Variants in TACSTD2 observed in about 807,000 individuals in gnomAD.
The protein encoded by TACSTD2 is tumor associated calcium signal transducer 2, also known as tumor-associated calcium signal transducer 2.
In TACSTD2, 6 loss-of-function variants were observed where a neutral mutation model predicts 7.9. The observed-to-expected ratio is 0.76, with a 90% CI of 0.42 to 1.50. TACSTD2 has a LOEUF of 1.50. TACSTD2 is among the 40% of genes most tolerant of loss of function. TACSTD2 has a pLI of 0.01. For synonymous variants in TACSTD2, 220 were observed against 225.5 expected (o/e 0.98, Z 0.22); for missense variants, 511 against 471.2 (o/e 1.08, Z -0.78).
chr1:58,576,897 C>A lies in TACSTD2; in HGVS notation c.260G>T (p.Arg87Leu). 1 of 1,589,698 alleles carries A rather than the reference C, an allele frequency of 6.3e-7. No individual in the cohort carries two copies. The highest frequency in any genetic ancestry group is 8.5e-7 in the Non-Finnish European group (1 of 1,174,714). Residue 87 changes from arginine (R) to leucine (L), a missense_variant, in exon 1 of 1, where the codon CGC becomes CTC. By Grantham distance (102) the Arg-to-Leu change is moderately radical. Transcript: ENST00000371225. ...KARMSAPKNARTLVRPSEHAL... is the reference protein window; with the variant it reads ...KARMSAPKNALTLVRPSEHAL... ...GTGCTCACTCGGCCGCACCAGCGTG[C>A]GGGCGTTCTTGGGGGCGCTCATGCG...
chr1:58,576,171 G>C lies in TACSTD2; in HGVS notation c.*14C>G, dbSNP rs377265819. The C allele has an allele frequency of 1.8e-5, 29 of 1,612,838 alleles. No homozygotes were observed. The African/African-American group carries it at 2.9e-4, about 16-fold the overall frequency. ...AATCCGGTACCCCACCCCATCCCCT[G>C]CCCCGCCGGGTACCTACAAGCTCGG... On this transcript the variant is annotated 3_prime_UTR_variant, in exon 1 of 1. Coordinates refer to ENST00000371225, the MANE Select transcript of TACSTD2 (RefSeq NM_002353.3).
rs778258386 is a variant in TACSTD2 at position 58,576,617 on chromosome 1, G to A, written c.540C>T (p.Phe180=). The A allele has an allele frequency of 8.6e-5, 139 of 1,611,484 alleles. No homozygotes were observed. The highest frequency in any genetic ancestry group is 1.1e-4 in the Non-Finnish European group (124 of 1,179,298). The part of the protein sequence containing the change: ...SDLDAELRRL[F]RERYRLHPKF... ...TGGGGTGCAGCCGATAGCGCTCGCG[G>A]AAGAGCCGCCTCAGCTCGGCGTCCA... The change falls in exon 1 of 1, where the codon TTC becomes TTT. Residue 180 remains phenylalanine (F), a synonymous_variant. Transcript: ENST00000371225.
Position 58,576,010 on chromosome 1 carries a change from G to A in TACSTD2, c.*175C>T. The A allele has an allele frequency of 2.7e-6, 2 of 742,954 alleles. No individual in the cohort carries two copies. The highest frequency in any genetic ancestry group is 4.3e-6 in the Non-Finnish European group (2 of 468,952). The allele number at this position is 742,954 out of a possible 1,614,324, so 46.0% of individuals were successfully genotyped here. Reference sequence around the variant, plus strand: ...CAAGACAGAAGTGAGAAAGAAAGGAGACCCTGAGGCCAGGATCTATTAAAC... The same window carrying A: ...CAAGACAGAAGTGAGAAAGAAAGGAAACCCTGAGGCCAGGATCTATTAAAC... On this transcript the variant is annotated 3_prime_UTR_variant, in exon 1 of 1. Coordinates refer to ENST00000371225, the MANE Select transcript of TACSTD2 (RefSeq NM_002353.3).
chr1:58,577,092 G>A lies in TACSTD2; in HGVS notation c.65C>T (p.Ala22Val). Residue 22 changes from alanine (A) to valine (V), a missense_variant, in exon 1 of 1, where the codon GCG (alanine) becomes GTG (valine). Coordinates refer to ENST00000371225, the MANE Select transcript of TACSTD2 (RefSeq NM_002353.3). ...CGCGGCCGTGTGGCCGGTCACCGCCGCCAGCACCAGCAGCAGCAGCGGCAG... is the reference window on the plus strand; with the variant it reads ...CGCGGCCGTGTGGCCGGTCACCGCCACCAGCACCAGCAGCAGCAGCGGCAG... ...LRLPLLLLVL[A>V]AVTGHTAAQD... is the part of the protein sequence containing the mutation. 6.8e-7 allele frequency: 1 copy of A among 1,463,440 alleles called. No individual in the cohort carries two copies. The highest frequency in any genetic ancestry group is 1.4e-5 in the South Asian group (1 of 73,798). 90.7% of individuals were successfully genotyped at this position (1,463,440 alleles called of 1,614,324 possible).
chr1:58,576,314 G>C lies in TACSTD2; in HGVS notation c.843C>G (p.Ile281Met). ...KRLTAGLIAV[I>M]VVVVVALVAG... ...CGACGAGGGCCACCACGACCACCAC[G>C]ATGACGGCGATGAGGCCGGCGGTGA... The change falls in exon 1 of 1, where the codon ATC becomes ATG. Residue 281 changes from isoleucine to methionine, a missense_variant. Coordinates refer to ENST00000371225, the MANE Select transcript of TACSTD2 (RefSeq NM_002353.3). The C allele has an allele frequency of 6.2e-7, 1 of 1,613,172 alleles. No individual in the cohort carries two copies. The highest frequency in any genetic ancestry group is 8.5e-7 in the Non-Finnish European group (1 of 1,179,582).
In TACSTD2 at chr1:58,576,920, G is replaced by A. The variant is rs1168243156; in HGVS notation, c.237C>T (p.Arg79=). ...TGCGGGCGTTCTTGGGGGCGCTCAT[G>A]CGCGCCTTGAGCAGCAGACACTTGG... is the stretch of plus-strand genomic sequence containing the variant. ...LTSKCLLLKA[R]MSAPKNARTL... The change falls in exon 1 of 1, where the codon CGC becomes CGT. Residue 79 remains arginine, a synonymous_variant. Transcript: ENST00000371225. The A allele has an allele frequency of 6.3e-7, 1 of 1,587,390 alleles. No homozygotes were observed.
At position 58,576,143 on chromosome 1, in the gene TACSTD2, C is replaced by A; in HGVS notation, c.*42G>T. 6.2e-7 allele frequency: 1 copy of A among 1,602,642 alleles called. No homozygotes were observed. Among genetic ancestry groups the A allele is most frequent in the Admixed American group, 1.7e-5 (1 of 58,890 alleles). The stretch of plus-strand genomic sequence containing the variant: ...GACTCACTTGGGTCTGGGACGATAC[C>A]GAAATCCGGTACCCCACCCCATCCC... On this transcript the variant is annotated 3_prime_UTR_variant, in exon 1 of 1. Transcript: ENST00000371225.
At position 58,576,121 on chromosome 1, in the gene TACSTD2, T is replaced by C; in HGVS notation, c.*64A>G. On this transcript the variant is annotated 3_prime_UTR_variant, in exon 1 of 1. Coordinates refer to ENST00000371225, the MANE Select transcript of TACSTD2 (RefSeq NM_002353.3). ...GCGCCGAGGAATCAGGAAGCGTGAC[T>C]CACTTGGGTCTGGGACGATACCGAA... 1 of 1,565,806 alleles carries C rather than the reference T, an allele frequency of 6.4e-7. No individual in the cohort carries two copies. The highest frequency in any genetic ancestry group is 2.3e-5 in the East Asian group (1 of 42,998).
At position 58,577,241 on chromosome 1, in the gene TACSTD2, C is replaced by G. The variant is rs1646892520; in HGVS notation, c.-85G>C. The G allele has an allele frequency of 7.7e-7, 1 of 1,300,492 alleles. No homozygotes were observed. The highest frequency in any genetic ancestry group is 1.6e-5 in the African/African-American group (1 of 64,222). The allele number at this position is 1,300,492 out of a possible 1,614,324, so 80.6% of individuals were successfully genotyped here. A position where few individuals can be genotyped will look rare whatever the true frequency, so the allele number is the denominator to read the frequency against. On this transcript the variant is annotated 5_prime_UTR_variant, in exon 1 of 1. Coordinates refer to ENST00000371225, the MANE Select transcript of TACSTD2 (RefSeq NM_002353.3). ...CTCGGGCTCCGGCGTCTGGGATGGT[C>G]TGCAGGCGTCTGCCGCCCGGCCGCT...
rs1234673242 is a variant in TACSTD2, at chr1:58,577,129, G to A, written c.28C>T (p.Pro10Ser). 1.4e-6 allele frequency: 2 copies of A among 1,396,860 alleles called. No homozygotes were observed. The highest frequency in any genetic ancestry group is 9.2e-7 in the Non-Finnish European group (1 of 1,087,030). The allele number at this position is 1,396,860 out of a possible 1,614,324, so 86.5% of individuals were successfully genotyped here. MARGPGLAPPPLRLPLLLLV... is the reference protein window; with the variant it reads MARGPGLAPSPLRLPLLLLV... ...AGCAGCAGCGGCAGCCGCAGCGGTG[G>A]CGGCGCGAGGCCGGGGCCCCGAGCC... The change falls in exon 1 of 1, where the codon CCA becomes TCA. Residue 10 changes from proline (P) to serine (S), a missense_variant. Transcript: ENST00000371225.
Position 58,576,929 on chromosome 1 carries a change from G to C in TACSTD2, c.228C>G (p.Leu76=). 1 of 1,587,754 alleles carries C rather than the reference G, an allele frequency of 6.3e-7. No individual in the cohort carries two copies. Among genetic ancestry groups the C allele is most frequent in the African/African-American group, 1.3e-5 (1 of 74,732 alleles). ...CSTLTSKCLL[L]KARMSAPKNA... ...TCTTGGGGGCGCTCATGCGCGCCTT[G>C]AGCAGCAGACACTTGGAGGTCAGCG... The change falls in exon 1 of 1, where the codon CTC becomes CTG. Residue 76 remains leucine, a synonymous_variant. Coordinates refer to ENST00000371225, the MANE Select transcript of TACSTD2 (RefSeq NM_002353.3).
rs1382137194 is a variant in TACSTD2, at chr1:58,576,348, A to G, written c.809T>C (p.Met270Thr). The change falls in exon 1 of 1, where the codon ATG becomes ACG. Residue 270 changes from methionine (M) to threonine (T), a missense_variant. By Grantham distance (81) the Met-to-Thr change is moderately conservative. Transcript: ENST00000371225. ...GATGAGGCCGGCGGTGAGGCGCTTC[A>G]TGGAGAACTTCGGGGGAATCTCGTC... ...YLDEIPPKFS[M>T]KRLTAGLIAV... 1.3e-5 allele frequency: 21 copies of G among 1,612,748 alleles called. No individual in the cohort carries two copies. Among genetic ancestry groups the G allele is most frequent in the Non-Finnish European group, 1.6e-5 (19 of 1,179,594 alleles).
At position 58,576,106 on chromosome 1, in the gene TACSTD2, A is replaced by C; in HGVS notation, c.*79T>G. On this transcript the variant is annotated 3_prime_UTR_variant, in exon 1 of 1. Coordinates refer to ENST00000371225, the MANE Select transcript of TACSTD2 (RefSeq NM_002353.3). ...ATAAACGTCTCCTTTGCGCCGAGGA[A>C]TCAGGAAGCGTGACTCACTTGGGTC... is the stretch of plus-strand genomic sequence containing the variant. 5 of 1,526,052 alleles carry C rather than the reference A, an allele frequency of 3.3e-6. No individual in the cohort carries two copies. Among genetic ancestry groups the C allele is most frequent in the Non-Finnish European group, 3.5e-6 (4 of 1,131,966 alleles). The allele number at this position is 1,526,052 out of a possible 1,614,324, so 94.5% of individuals were successfully genotyped here.
chr1:58,576,543 A>G lies in TACSTD2; in HGVS notation c.614T>C (p.Leu205Pro). ...HYEQPTIQIE[L>P]RQNTSQKAAG... is the part of the protein sequence containing the mutation. Reference sequence around the variant, plus strand: ...GGCCTTCTGAGACGTGTTCTGCCGCAGCTCGATCTGGATGGTGGGCTGCTC... The same window carrying G: ...GGCCTTCTGAGACGTGTTCTGCCGCGGCTCGATCTGGATGGTGGGCTGCTC... The change falls in exon 1 of 1, where the codon CTG (leucine) becomes CCG (proline). Residue 205 changes from leucine to proline, a missense_variant. Physicochemically the swap from Leu to Pro is moderately conservative, Grantham distance 98. Coordinates refer to ENST00000371225, the MANE Select transcript of TACSTD2 (RefSeq NM_002353.3). 1.2e-6 allele frequency: 2 copies of G among 1,612,366 alleles called. No homozygotes were observed. The highest frequency in any genetic ancestry group is 1.7e-6 in the Non-Finnish European group (2 of 1,179,558).
In TACSTD2 at chr1:58,576,290, G is replaced by T. The variant is rs954724350; in HGVS notation, c.867C>A (p.Val289=). The stretch of plus-strand genomic sequence containing the variant: ...TGATCACCAGGACGGCCATGCCGGC[G>T]ACGAGGGCCACCACGACCACCACGA... The part of the protein sequence containing the change: ...AVIVVVVVAL[V]AGMAVLVITN... Residue 289 remains valine, a synonymous_variant, in exon 1 of 1, where the codon GTC becomes GTA. Coordinates refer to ENST00000371225, the MANE Select transcript of TACSTD2 (RefSeq NM_002353.3). 1 of 1,613,368 alleles carries T rather than the reference G, an allele frequency of 6.2e-7. No individual in the cohort carries two copies. Among genetic ancestry groups the T allele is most frequent in the African/African-American group, 1.3e-5 (1 of 74,900 alleles).
Position 58,576,287 on chromosome 1 carries a change from G to T in TACSTD2, c.870C>A (p.Ala290=), listed in dbSNP as rs1185185750. 6.2e-7 allele frequency: 1 copy of T among 1,613,400 alleles called. No homozygotes were observed. The highest frequency in any genetic ancestry group is 1.7e-5 in the Admixed American group (1 of 59,976). The change falls in exon 1 of 1, where the codon GCC becomes GCA. Residue 290 remains alanine (A), a synonymous_variant. Coordinates refer to ENST00000371225, the MANE Select transcript of TACSTD2 (RefSeq NM_002353.3). ...VIVVVVVALV[A]GMAVLVITNR... ...TGGTGATCACCAGGACGGCCATGCC[G>T]GCGACGAGGGCCACCACGACCACCA...
chr1:58,576,041 G>A lies in TACSTD2; in HGVS notation c.*144C>T. On this transcript the variant is annotated 3_prime_UTR_variant, in exon 1 of 1. Transcript: ENST00000371225. Reference sequence around the variant, plus strand: ...GAGGCCAGGATCTATTAAACCTGGTGTGTGCGCAAAAGGGAGGGGGAAGGC... The same window carrying A: ...GAGGCCAGGATCTATTAAACCTGGTATGTGCGCAAAAGGGAGGGGGAAGGC... The A allele has an allele frequency of 1.0e-6, 1 of 985,760 alleles. No individual in the cohort carries two copies. Among genetic ancestry groups the A allele is most frequent in the Non-Finnish European group, 1.5e-6 (1 of 681,828 alleles). 61.1% of individuals were successfully genotyped at this position (985,760 alleles called of 1,614,324 possible).
chr1:58,576,571 A>G lies in TACSTD2; in HGVS notation c.586T>C (p.Tyr196His). The G allele has an allele frequency of 6.2e-7, 1 of 1,611,828 alleles. No individual in the cohort carries two copies. The highest frequency in any genetic ancestry group is 1.3e-5 in the African/African-American group (1 of 74,996). ...LHPKFVAAVH[Y>H]EQPTIQIELR... ...TCGATCTGGATGGTGGGCTGCTCGT[A>G]GTGCACGGCCGCCACGAACTTGGGG... The change falls in exon 1 of 1, where the codon TAC becomes CAC. Residue 196 changes from tyrosine to histidine, a missense_variant. By Grantham distance (83) the Tyr-to-His change is moderately conservative (BLOSUM62 2). Coordinates refer to ENST00000371225, the MANE Select transcript of TACSTD2 (RefSeq NM_002353.3).
In TACSTD2 at chr1:58,576,933, A is replaced by G. The variant is rs1020253002; in HGVS notation, c.224T>C (p.Leu75Pro). The change falls in exon 1 of 1, where the codon CTG becomes CCG. Residue 75 changes from leucine to proline, a missense_variant. Leu to Pro is a moderately conservative substitution (Grantham distance 98, BLOSUM62 -3). Transcript: ENST00000371225. ...GGGGGCGCTCATGCGCGCCTTGAGC[A>G]GCAGACACTTGGAGGTCAGCGTGGA... ...DCSTLTSKCL[L>P]LKARMSAPKN... 1.3e-6 allele frequency: 2 copies of G among 1,588,138 alleles called. No homozygotes were observed. The highest frequency in any genetic ancestry group is 1.1e-5 in the South Asian group (1 of 89,144).
Sources: allele counts gnomAD v4.1 joint callset, GRCh38; gene constraint gnomAD v4.1.1; transcripts MANE v1.5; gene names NCBI Gene and HGNC (gene_info 2026-07-23, HGNC 2026-07-21).